Variants in BCLAF3 observed in about 807,000 individuals in gnomAD.
The protein encoded by BCLAF3 is BCLAF1 and THRAP3 family member 3.
BCLAF3 carries 24 observed loss-of-function variants against 51.2 expected under a neutral mutation model. The observed-to-expected ratio is 0.47, with a 90% CI of 0.34 to 0.66. The LOEUF (loss-of-function observed/expected upper bound fraction) is 0.66. Ranked by LOEUF, BCLAF3 falls within the 30% of genes least tolerant of loss-of-function variation. The pLI, the probability that BCLAF3 is intolerant of heterozygous loss-of-function variation, is 0.01. For missense variants in BCLAF3, 465 were observed against 525.1 expected (o/e 0.89, Z 1.12); for synonymous variants, 152 against 176.6 (o/e 0.86, Z 1.10).
chrX:19,966,745 C>T (rs755652645), intron 2 of BCLAF3, 96 bp from the exon 3 acceptor site: 6 of 684,932 alleles, frequency 8.8e-6, no homozygotes, highest in East Asian at 3.3e-5. Flanking sequence ...TAGGATCCCT[C>T]GGCTTCTTCC....
intron 8 of BCLAF3, among the ~76,000 whole-genome samples, chrX:19,945,358 TAG>T (rs1410773270): frequency 9.3e-6 from 1 of 107,721 alleles, no homozygotes. Context: ...CTCTGTGTTT[TAG>T]AGTTTCCAGT....
At chrX:19,970,454 G>T in intron 1 of BCLAF3, 156 bp from the exon 2 acceptor site, 1 of 132,849 alleles carries the variant, frequency 7.5e-6, no homozygotes, top group Non-Finnish European at 1.4e-5. Flanking sequence ...TTATTGGAAT[G>T]TTGTCAGGAT....
At chrX:19,922,040 TAATAA>T (rs1359618720) in intron 11 of BCLAF3, among the ~76,000 whole-genome samples, 1 of 110,654 alleles carries the variant, frequency 9.0e-6, no homozygotes, top group Non-Finnish European at 1.9e-5. Flanking sequence ...ATAAAATGAA[TAATAA>T]AATAAATTCT....
At chrX:19,987,984 G>C (rs2072859479) in intron 1 of BCLAF3, among the ~76,000 whole-genome samples, 1 of 112,281 alleles carries the variant, frequency 8.9e-6, no homozygotes, top group Non-Finnish European at 1.9e-5. Context: ...CCTACCTTCA[G>C]AAAGATGACC....
intron 4 of BCLAF3, among the ~76,000 whole-genome samples, chrX:19,960,248 C>T (rs757706687): frequency 9.0e-6 from 1 of 111,048 alleles, no homozygotes; most frequent in African/African-American, 3.3e-5. Context: ...CATTATGAGC[C>T]TCCATGTGTC....
chrX:19,984,072 CAAAAAAAAAA>C (rs1168246147), intron 1 of BCLAF3, among the ~76,000 whole-genome samples: 3 of 15,430 alleles, frequency 1.9e-4, no homozygotes, highest in East Asian at 2.2e-3. Context: ...GACTCCATCT[CAAAAAAAAAA>C]AAAAAAAAAA....
At chrX:19,970,792 T>C (rs1332149928) in intron 1 of BCLAF3, among the ~76,000 whole-genome samples, 2 of 112,088 alleles carry the variant, frequency 1.8e-5, no homozygotes, top group East Asian at 5.6e-4. Flanking sequence ...ACTATTTAGC[T>C]CAAGTGGGTC....
chrX:19,954,044 T>C (rs1034997009), intron 5 of BCLAF3, 152 bp from the exon 6 acceptor site: 2 of 1,025,726 alleles, frequency 1.9e-6, no homozygotes, highest in African/African-American at 3.8e-5. Flanking sequence ...ACAGACTAAT[T>C]TGTAGCGCTC....
intron 11 of BCLAF3, chrX:19,918,060 A>G (rs1014909801): frequency 8.9e-6 from 1 of 111,904 alleles, no homozygotes; most frequent in Non-Finnish European, 1.9e-5. Flanking sequence ...TTATTAATAT[A>G]CATATCCTTA....
intron 1 of BCLAF3, among the ~76,000 whole-genome samples, chrX:19,989,403 G>T (rs893531697): frequency 9.0e-6 from 1 of 111,580 alleles, no homozygotes; most frequent in Non-Finnish European, 1.9e-5. Flanking sequence ...GGCTGACACA[G>T]GGGAATCACT....
intron 10 of BCLAF3, among the ~76,000 whole-genome samples, chrX:19,934,763 A>C (rs2070695520): frequency 8.9e-6 from 1 of 112,397 alleles, no homozygotes; most frequent in Admixed American, 9.5e-5. Flanking sequence ...AAAAGCTCAC[A>C]TTCTTTCCTT....
intron 4 of BCLAF3, among the ~76,000 whole-genome samples, chrX:19,964,610 C>T (rs1047328289): frequency 9.0e-6 from 1 of 110,856 alleles, no homozygotes; most frequent in Non-Finnish European, 1.9e-5. Flanking sequence ...GCTTTCCTCC[C>T]GTATAAAACT....
In BCLAF3 at chrX:19,966,202, A is replaced by G. The variant is rs374327669; in HGVS notation, c.489T>C (p.Phe163=). Residue 163 remains phenylalanine (F), a synonymous_variant, in exon 3 of 12, where the codon TTT becomes TTC. Transcript: ENST00000379682. ...CTTCATGCCACTTTCCTTCAAATCTAAAAGAATCTGCTATTGACCTCTGAG... is the reference window on the plus strand; with the variant it reads ...CTTCATGCCACTTTCCTTCAAATCTGAAAGAATCTGCTATTGACCTCTGAG... ...KPPQRSIADS[F]RFEGKWHEDE... is the part of the protein sequence containing the mutation. The G allele has an allele frequency of 4.7e-5, 57 of 1,209,432 alleles. No individual in the cohort carries two copies. The African/African-American group carries it at 8.4e-4, about 18-fold the overall frequency.
intron 1 of BCLAF3, among the ~76,000 whole-genome samples, chrX:19,983,065 G>A (rs2072672413): frequency 2.0e-5 from 2 of 100,684 alleles, no homozygotes; most frequent in Admixed American, 1.1e-4. Context: ...AGCGATTCCC[G>A]TGCTTCAGCC....
At position 19,946,887 on chromosome X, in the gene BCLAF3, T is replaced by C. The variant is rs2071325469; in HGVS notation, c.1745+3866A>G. Among the ~76,000 whole-genome samples, 3 of 112,404 alleles carry C rather than the reference T, an allele frequency of 2.7e-5. No individual in the cohort carries two copies. The Admixed American group carries it at 2.8e-4, about 11-fold the overall frequency. On this transcript the variant is annotated intron_variant, in intron 8 of 11. Transcript: ENST00000379682. Reference sequence around the variant, plus strand: ...TTTTAAAAGTCATAAGTGTACTCCATGATCACCCTAAATAAAACCATATCA... The same window carrying C: ...TTTTAAAAGTCATAAGTGTACTCCACGATCACCCTAAATAAAACCATATCA...
At chrX:19,945,221 G>A (rs1266833877) in intron 8 of BCLAF3, among the ~76,000 whole-genome samples, 1 of 109,150 alleles carries the variant, frequency 9.2e-6, no homozygotes, top group African/African-American at 3.4e-5. Flanking sequence ...TGGTTTGAAT[G>A]TCCTCCCGTA....
rs1423926111 is a variant in BCLAF3 at position 19,915,948 on chromosome X, T to A, written c.*1357A>T. On this transcript the variant is annotated 3_prime_UTR_variant, in exon 12 of 12. Transcript: ENST00000379682. ...ATTGTACACAGTACAAGACAGGCCA[T>A]CTACCCAAATTTATTACCTGCTTAG... 2 of 111,801 alleles carry A rather than the reference T, an allele frequency of 1.8e-5. No homozygotes were observed. Among genetic ancestry groups the A allele is most frequent in the East Asian group, 5.6e-4 (2 of 3,601 alleles). The allele number at this position is 111,801 out of a possible 1,213,427, so 9.2% of individuals were successfully genotyped here. A position where few individuals can be genotyped will look rare whatever the true frequency, so the allele number is the denominator to read the frequency against.
rs748679368 is a variant in BCLAF3 at position 19,990,922 on chromosome X, CCCG to C, written c.-52_-50del. On this transcript the variant is annotated 5_prime_UTR_variant, in exon 1 of 12. Coordinates refer to ENST00000379682, the MANE Select transcript of BCLAF3 (RefSeq NM_001367774.2). ...GAGCCGCTCACCCGGCCGGGAAGCC[CCCG>C]CCGCCGCCGCCGCCGCCGCCGCCGC... is the stretch of plus-strand genomic sequence containing the variant. 0.098 allele frequency among the ~76,000 whole-genome samples: 8,241 copies of C among 84,492 alleles called. 772 individuals are homozygous for C. The highest frequency in any genetic ancestry group is 0.26 in the African/African-American group (5,696 of 22,179). The allele number at this position is 84,492 out of a possible 115,157, so 73.4% of individuals were successfully genotyped here.
At chrX:19,931,246 A>C (rs2070540478) in intron 10 of BCLAF3, among the ~76,000 whole-genome samples, 1 of 111,686 alleles carries the variant, frequency 9.0e-6, no homozygotes, top group African/African-American at 3.3e-5. Flanking sequence ...CAGTTTTGTC[A>C]GTCGTGAACC....
Sources: allele counts gnomAD v4.1 joint callset (sites outside exome capture counted in the v4.1 genomes callset), GRCh38; gene constraint gnomAD v4.1.1; transcripts MANE v1.5; gene names NCBI Gene and HGNC (gene_info 2026-07-23, HGNC 2026-07-21).